FRYL: variants seen among roughly 807,000 people sequenced by gnomAD.
FRYL encodes protein furry homolog-like.
A neutral mutation model predicts 351.2 loss-of-function variants in FRYL; 150 were observed. The observed-to-expected ratio is 0.43, with a 90% CI of 0.37 to 0.49. FRYL has a LOEUF of 0.49. Among genes scored for constraint, FRYL ranks in the 20% least tolerant of loss-of-function variants. The probability of loss-of-function intolerance (pLI) is 0.00; values close to 1 mark genes in which losing one functional copy is unlikely to be tolerated. For synonymous variants in FRYL, 1,153 were observed against 1,257.1 expected, an observed-to-expected ratio of 0.92 and a Z score of 1.75; for missense variants, 3,036 against 3,619.3, an observed-to-expected ratio of 0.84 and a Z score of 4.13.
rs753277835 is a variant in FRYL at position 48,500,053 on chromosome 4, A to T, written c.8760T>A (p.Ala2920=). Residue 2920 remains alanine, a synonymous_variant, in exon 63 of 64, where the codon GCT becomes GCA. Transcript: ENST00000358350. ...ETLKNKEFIS[A]VAQVKAFRSL... is the part of the protein sequence containing the mutation. ...ACCTGAAAGCTTTGACTTGTGCTAC[A>T]GCTGATATAAATTCTTTATTTTTCA... The T allele has an allele frequency of 1.0e-5, 16 of 1,595,374 alleles. No homozygotes were observed. In the East Asian group the frequency reaches 2.5e-4, roughly 25 times the overall value.
chr4:48,563,111 T>C, intron 31 of FRYL, 123 bp from the exon 32 acceptor site: 4 of 618,736 alleles, frequency 6.5e-6, no homozygotes, highest in Non-Finnish European at 1.1e-5. Context: ...ATGAGGAGAC[T>C]TGGTTTTTTC....
rs1734432248 is a variant in FRYL at position 48,557,693 on chromosome 4, C to T, written c.3885G>A (p.Gln1295=). ...AIFSEISQRI[Q]TAHPAGRQVM... The stretch of plus-strand genomic sequence containing the variant: ...CCTGCCGCCCAGCAGGGTGAGCTGT[C>T]TGGATTCTCTGGCTTATCTCTGAAA... The change falls in exon 34 of 64, where the codon CAG becomes CAA. Residue 1295 remains glutamine, a synonymous_variant. Transcript: ENST00000358350. 6.2e-7 allele frequency: 1 copy of T among 1,613,824 alleles called. No homozygotes were observed. Among genetic ancestry groups the T allele is most frequent in the South Asian group, 1.1e-5 (1 of 91,074 alleles).
rs1196189913 is a variant in FRYL, at chr4:48,764,773, A to G, written c.-384+15305T>C. ...ATTATTTTGTAAAAACAACCATACT[A>G]CTCAAAGCAATTTATAGATTTGGGG... On this transcript the variant is annotated intron_variant, in intron 1 of 63. Transcript: ENST00000358350. Among the ~76,000 whole-genome samples, 12 of 152,126 alleles carry G rather than the reference A, an allele frequency of 7.9e-5. 1 individual carries two copies. The highest frequency in any genetic ancestry group is 1.8e-4 in the Non-Finnish European group (12 of 68,020).
intron 25 of FRYL, among the ~76,000 whole-genome samples, chr4:48,573,520 C>T (rs1738844594): frequency 6.6e-6 from 1 of 152,096 alleles, no homozygotes; most frequent in African/African-American, 2.4e-5. Context: ...ATACGTTTTA[C>T]TTAGTTGAAA....
At chr4:48,779,728 T>C (rs992530227) in intron 1 of FRYL, among the ~76,000 whole-genome samples, 22 of 150,484 alleles carry the variant, frequency 1.5e-4, no homozygotes, top group African/African-American at 5.1e-4. Flanking sequence ...GCGCGAGGGG[T>C]ACCCGGGCGC....
intron 7 of FRYL, among the ~76,000 whole-genome samples, chr4:48,613,270 T>C (rs141696766): frequency 3.3e-5 from 5 of 152,312 alleles, no homozygotes; most frequent in African/African-American, 9.6e-5. Flanking sequence ...TTTCCACTTG[T>C]AGTGTCATGT....
chr4:48,767,141 A>C lies in FRYL; in HGVS notation c.-384+12937T>G, dbSNP rs113884755. 4.5e-3 allele frequency among the ~76,000 whole-genome samples: 679 copies of C among 152,064 alleles called. 4 individuals carry two copies. The highest frequency in any genetic ancestry group is 0.015 in the African/African-American group (630 of 41,482). On this transcript the variant is annotated intron_variant, in intron 1 of 63. Coordinates refer to ENST00000358350, the MANE Select transcript of FRYL (RefSeq NM_015030.2). ...AGAGAAGAGATATTTAAGGCTTATA[A>C]TTCTGCAAGCTGTACAGGTTTCTGC...
chr4:48,765,235 A>AC (rs1198629870), intron 1 of FRYL, among the ~76,000 whole-genome samples: 2 of 152,202 alleles, frequency 1.3e-5, no homozygotes, highest in Non-Finnish European at 2.9e-5. Context: ...AAGGTATCAC[A>AC]CTTCCTGATT....
At chr4:48,681,013 A>ATC (rs760720113) in intron 3 of FRYL, 1 of 1,284,552 alleles carries the variant, frequency 7.8e-7, no homozygotes, top group South Asian at 1.2e-5. Flanking sequence ...CTCAGATGAA[A>ATC]GTGAGCTAAG....
chr4:48,701,198 C>T (rs556479802), intron 2 of FRYL, among the ~76,000 whole-genome samples: 3 of 152,132 alleles, frequency 2.0e-5, no homozygotes, highest in Non-Finnish European at 4.4e-5. Context: ...TTATTATCAT[C>T]GCCCAACTCT....
chr4:48,652,086 TA>T (rs1408578417), intron 3 of FRYL, among the ~76,000 whole-genome samples: 1 of 152,230 alleles, frequency 6.6e-6, no homozygotes, highest in Non-Finnish European at 1.5e-5. Flanking sequence ...TTTGGTTCAC[TA>T]CTGGATTCAA....
intron 13 of FRYL, 144 bp from the exon 14 acceptor site, chr4:48,596,144 G>A: frequency 1.8e-6 from 1 of 558,936 alleles, no homozygotes. Flanking sequence ...ATTTGGTATA[G>A]GGTAAATATA....
At chr4:48,548,557 T>C (rs1419500143) in intron 40 of FRYL, 133 bp downstream of exon 40, 9 of 620,486 alleles carry the variant, frequency 1.5e-5, no homozygotes, top group Non-Finnish European at 1.4e-5. Flanking sequence ...AGAGGAATCA[T>C]AGTGAAAAGT....
chr4:48,775,452 G>A (rs989701089), intron 1 of FRYL, among the ~76,000 whole-genome samples: 2 of 152,094 alleles, frequency 1.3e-5, no homozygotes, highest in Non-Finnish European at 2.9e-5. Context: ...AGCTGATTAG[G>A]CCGCCTGGCT....
At chr4:48,637,574 C>T (rs890560646) in intron 3 of FRYL, 1 of 90,726 alleles carries the variant, frequency 1.1e-5, no homozygotes, top group Non-Finnish European at 2.2e-5. Context: ...GCAATTCAAG[C>T]ATTGAATTAC....
intron 1 of FRYL, among the ~76,000 whole-genome samples, chr4:48,720,323 C>T (rs969770193): frequency 3.3e-5 from 5 of 151,656 alleles, no homozygotes; most frequent in African/African-American, 4.9e-5. Context: ...TGACAAAACC[C>T]GGTCTCTACT....
intron 3 of FRYL, among the ~76,000 whole-genome samples, chr4:48,643,191 G>C (rs756028005): frequency 1.3e-5 from 2 of 152,174 alleles, no homozygotes; most frequent in Non-Finnish European, 1.5e-5. Context: ...AGGGACTGGG[G>C]GAGGTTGACA....
chr4:48,741,697 A>AAAT lies in FRYL; in HGVS notation c.-383-31002_-383-31000dup, dbSNP rs527490966. Reference sequence around the variant, plus strand: ...GGCGACAGAGCAAGACCCTCTCTCAAAATAATAATAATAATAATAATAGTA... The same window carrying AAAT: ...GGCGACAGAGCAAGACCCTCTCTCAAAATAATAATAATAATAATAATAATAGTA... On this transcript the variant is annotated intron_variant, in intron 1 of 63. Transcript: ENST00000358350. Among the ~76,000 whole-genome samples the AAAT allele has an allele frequency of 3.5e-3, 528 of 151,542 alleles. 7 individuals carry two copies. The highest frequency in any genetic ancestry group is 0.03 in the South Asian group (143 of 4,788).
At chr4:48,583,929 T>C in intron 19 of FRYL, among the ~76,000 whole-genome samples, 1 of 151,088 alleles carries the variant, frequency 6.6e-6, no homozygotes, top group Non-Finnish European at 1.5e-5. Context: ...AAAAAAAATG[T>C]GTTGACTCTG....
Sources: gnomAD v4.1 joint callset for allele counts (sites outside exome capture counted in the v4.1 genomes callset) on GRCh38, gnomAD v4.1.1 for gene constraint, MANE v1.5 for transcripts, NCBI Gene and HGNC (gene_info 2026-07-23, HGNC 2026-07-21) for gene names.